The following ZNF892 variants were observed in gnomAD, a reference collection of about 807,000 sequenced individuals.
The protein encoded by ZNF892 is zinc finger protein 570-like.
the ZNF892 span, among the ~76,000 whole-genome samples, chr2:95,226,426 T>G: frequency 2.6e-5 from 4 of 152,350 alleles, no homozygotes; most frequent in Middle Eastern, 3.4e-3. Context: ...AAATGTATTT[T>G]CACTGGATGT....
chr2:95,249,930 T>C, the ZNF892 span, among the ~76,000 whole-genome samples: 2 of 152,184 alleles, frequency 1.3e-5, no homozygotes, highest in African/African-American at 4.8e-5. Flanking sequence ...TGGAACTTAT[T>C]TTTAAACAGA....
the ZNF892 span, among the ~76,000 whole-genome samples, chr2:95,232,577 GTGTT>G: frequency 6.6e-6 from 1 of 152,174 alleles, no homozygotes; most frequent in Non-Finnish European, 1.5e-5. Context: ...CCCCAGCTCA[GTGTT>G]TGTCTCTCTT....
At chr2:95,213,982 A>C in the ZNF892 span, among the ~76,000 whole-genome samples, 1 of 152,148 alleles carries the variant, frequency 6.6e-6, no homozygotes, top group African/African-American at 2.4e-5. Context: ...TCTCCTCTAA[A>C]GGATCTATCT....
At chr2:95,238,260 G>A in the ZNF892 span, among the ~76,000 whole-genome samples, 2 of 152,312 alleles carry the variant, frequency 1.3e-5, no homozygotes, top group East Asian at 3.9e-4. Flanking sequence ...ATTGAAGCCA[G>A]TGCTCATTTG....
chr2:95,215,273 G>A, the ZNF892 span: 1 of 478,906 alleles, frequency 2.1e-6, no homozygotes, highest in Non-Finnish European at 3.7e-6. Flanking sequence ...CTCACACTGG[G>A]GAGAAACCCT....
At chr2:95,207,286 C>G in the ZNF892 span, among the ~76,000 whole-genome samples, 8 of 152,228 alleles carry the variant, frequency 5.3e-5, no homozygotes, top group Non-Finnish European at 8.8e-5. Flanking sequence ...GCGAAAAGTC[C>G]CACGCCGGGC....
chr2:95,231,561 G>A, the ZNF892 span, among the ~76,000 whole-genome samples: 1 of 152,216 alleles, frequency 6.6e-6, no homozygotes, highest in Non-Finnish European at 1.5e-5. Context: ...ATGCGAGAGT[G>A]TGTGTATAAA....
chr2:95,211,025 G>A, the ZNF892 span, among the ~76,000 whole-genome samples: 2 of 152,104 alleles, frequency 1.3e-5, no homozygotes, highest in Admixed American at 6.5e-5. Context: ...CCAACTGGGG[G>A]ACGCGGGCAG....
chr2:95,232,817 A>G, the ZNF892 span, among the ~76,000 whole-genome samples: 1 of 152,012 alleles, frequency 6.6e-6, no homozygotes, highest in Non-Finnish European at 1.5e-5. Context: ...ATATACATGT[A>G]TGTATATGTA....
chr2:95,238,328 CTA>C, the ZNF892 span, among the ~76,000 whole-genome samples: 1 of 152,196 alleles, frequency 6.6e-6, no homozygotes, highest in Non-Finnish European at 1.5e-5. Flanking sequence ...TGTCTGTGCT[CTA>C]TAAATGGAAC....
the ZNF892 span, chr2:95,215,702 A>T: frequency 2.5e-6 from 1 of 397,496 alleles, no homozygotes; most frequent in Non-Finnish European, 4.4e-6. Flanking sequence ...GTTGCAAAAA[A>T]GTTATTGACA....
At chr2:95,246,377 G>A in the ZNF892 span, among the ~76,000 whole-genome samples, 6 of 152,196 alleles carry the variant, frequency 3.9e-5, no homozygotes, top group East Asian at 1.2e-3. Flanking sequence ...AATAATAAGA[G>A]CCATATATGA....
the ZNF892 span, among the ~76,000 whole-genome samples, chr2:95,245,549 A>T: frequency 2.0e-5 from 3 of 146,742 alleles, no homozygotes; most frequent in Non-Finnish European, 4.5e-5. Flanking sequence ...GATTACAGGC[A>T]TGAGCCACCG....
chr2:95,254,866 C>T, the ZNF892 span, among the ~76,000 whole-genome samples: 2 of 152,182 alleles, frequency 1.3e-5, no homozygotes, highest in African/African-American at 4.8e-5. Context: ...AGTTTATTTG[C>T]ATAGAGGTGT....
At chr2:95,257,235 C>A in the ZNF892 span, among the ~76,000 whole-genome samples, 2 of 152,168 alleles carry the variant, frequency 1.3e-5, no homozygotes, top group Non-Finnish European at 2.9e-5. Context: ...TGGTGACGTA[C>A]AGATGGGGTT....
chr2:95,239,383 A>C, the ZNF892 span, among the ~76,000 whole-genome samples: 1 of 152,078 alleles, frequency 6.6e-6, no homozygotes, highest in Non-Finnish European at 1.5e-5. Flanking sequence ...AAGAGGAGGG[A>C]CTCCAATTTT....
the ZNF892 span, among the ~76,000 whole-genome samples, chr2:95,216,534 C>A: frequency 6.6e-6 from 1 of 152,164 alleles, no homozygotes; most frequent in African/African-American, 2.4e-5. Context: ...TGCACTGACA[C>A]TGCATATTAG....
chr2:95,256,102 G>A, the ZNF892 span, among the ~76,000 whole-genome samples: 1 of 152,160 alleles, frequency 6.6e-6, no homozygotes, highest in Non-Finnish European at 1.5e-5. Context: ...GTGTGAATTT[G>A]ATCCTGTCAT....
chr2:95,255,881 A>C, the ZNF892 span, among the ~76,000 whole-genome samples: 1 of 152,068 alleles, frequency 6.6e-6, no homozygotes, highest in Non-Finnish European at 1.5e-5. Context: ...AGTCTTTTTT[A>C]TCAGAGACTA....
Sources: gnomAD v4.1 joint callset for allele counts (sites outside exome capture counted in the v4.1 genomes callset) on GRCh38, gnomAD v4.1.1 for gene constraint, MANE v1.5 for transcripts, NCBI Gene and HGNC (gene_info 2026-07-23, HGNC 2026-07-21) for gene names.